The following ZNRF1 variants were observed in gnomAD, a reference collection of about 807,000 sequenced individuals.
The protein encoded by ZNRF1 is zinc and ring finger 1.
ZNRF1 carries 3 observed loss-of-function variants against 18.4 expected under a neutral mutation model. That is an observed-to-expected ratio of 0.16 (90% CI 0.07 to 0.42). ZNRF1 has a LOEUF of 0.42. Among genes scored for constraint, ZNRF1 ranks in the 10% least tolerant of loss-of-function variants. ZNRF1 has a pLI of 0.99. For synonymous variants in ZNRF1, 157 were observed against 144.2 expected (o/e 1.09, Z -0.64); for missense variants, 310 against 329.8 (o/e 0.94, Z 0.47).
At chr16:75,099,309 T>C (rs2036231174) in intron 2 of ZNRF1, among the ~76,000 whole-genome samples, 1 of 152,184 alleles carries the variant, frequency 6.6e-6, no homozygotes, top group Non-Finnish European at 1.5e-5. Context: ...TCCTCCCAGA[T>C]ATCTTTGCTT....
chr16:75,078,242 C>G (rs1056572737), intron 1 of ZNRF1, among the ~76,000 whole-genome samples: 2 of 151,074 alleles, frequency 1.3e-5, no homozygotes, highest in African/African-American at 2.4e-5. Context: ...TCTGTTTTTC[C>G]ATTATATCTG....
chr16:75,064,916 C>A (rs144119865), intron 1 of ZNRF1, among the ~76,000 whole-genome samples: 1 of 152,190 alleles, frequency 6.6e-6, no homozygotes, highest in Non-Finnish European at 1.5e-5. Context: ...GTGCATGTGC[C>A]GTCCTTTGCC....
chr16:75,025,942 C>T (rs934995278), intron 1 of ZNRF1, among the ~76,000 whole-genome samples: 1 of 152,168 alleles, frequency 6.6e-6, no homozygotes, highest in Non-Finnish European at 1.5e-5. Context: ...GGTCTGCACT[C>T]AGCCTGGTGC....
intron 1 of ZNRF1, among the ~76,000 whole-genome samples, chr16:75,058,582 A>G (rs754107097): frequency 1.4e-4 from 21 of 152,228 alleles, no homozygotes; most frequent in Admixed American, 5.2e-4. Flanking sequence ...AGTGGGGATC[A>G]GTTAAAGAGG....
chr16:75,104,823 G>C lies in ZNRF1; in HGVS notation c.560G>C (p.Cys187Ser), dbSNP rs2036295176. Residue 187 changes from cysteine (C) to serine (S), a missense_variant, in exon 3 of 5, where the codon TGC becomes TCC. This residue lies in a region of ZNRF1 where 293 missense variants were observed against 291.2 expected (regional missense o/e 1.01). Transcript: ENST00000335325. ...LTKDAGECVI[C>S]LEELLQGDTI... ...AAAGACGCGGGTGAGTGTGTGATCT[G>C]CCTGGAGGAGCTGCTGCAGGGGGAC... is the stretch of plus-strand genomic sequence containing the variant. 1 of 1,610,772 alleles carries C rather than the reference G, an allele frequency of 6.2e-7. No individual in the cohort carries two copies. Among genetic ancestry groups the C allele is most frequent in the African/African-American group, 1.3e-5 (1 of 74,866 alleles).
intron 1 of ZNRF1, among the ~76,000 whole-genome samples, chr16:75,024,223 G>A (rs1436186208): frequency 6.6e-6 from 1 of 152,132 alleles, no homozygotes; most frequent in Non-Finnish European, 1.5e-5. Flanking sequence ...ACTAACTGCT[G>A]GAGTTGATGT....
intron 1 of ZNRF1, among the ~76,000 whole-genome samples, chr16:75,065,294 G>T (rs2035788820): frequency 1.3e-5 from 2 of 152,184 alleles, no homozygotes; most frequent in African/African-American, 4.8e-5. Context: ...GGTTTGCAGG[G>T]CTGGATGTGT....
rs2036344034 is a variant in ZNRF1 at position 75,108,603 on chromosome 16, C to T, written c.*903C>T. 2.5e-6 allele frequency: 1 copy of T among 394,964 alleles called. No homozygotes were observed. The highest frequency in any genetic ancestry group is 4.5e-6 in the Non-Finnish European group (1 of 224,210). The allele number at this position is 394,964 out of a possible 1,614,324, so 24.5% of individuals were successfully genotyped here. Reference sequence around the variant, plus strand: ...GTTTCTGTATTTATATATTAAAATACAAAAAAAAACTTATAAAATGTTTAA... The same window carrying T: ...GTTTCTGTATTTATATATTAAAATATAAAAAAAAACTTATAAAATGTTTAA... On this transcript the variant is annotated 3_prime_UTR_variant, in exon 5 of 5. Transcript: ENST00000335325.
chr16:75,107,303 A>G (rs771751160), intron 4 of ZNRF1: 2 of 180,800 alleles, frequency 1.1e-5, no homozygotes, highest in African/African-American at 2.4e-5. Flanking sequence ...TCTGGCAAAC[A>G]AGTAGACAAA....
chr16:75,001,818 A>G (rs1004631033), intron 1 of ZNRF1, among the ~76,000 whole-genome samples: 5 of 152,188 alleles, frequency 3.3e-5, no homozygotes, highest in South Asian at 2.1e-4. Context: ...ACCAGGTTCC[A>G]TGCTACAGTT....
chr16:75,060,516 C>G (rs1018300901), intron 1 of ZNRF1, among the ~76,000 whole-genome samples: 1 of 128,152 alleles, frequency 7.8e-6, no homozygotes, highest in Non-Finnish European at 1.6e-5. Context: ...TTCATTCTGT[C>G]GCCCAGGCTT....
At position 75,000,011 on chromosome 16, in the gene ZNRF1, G is replaced by A; in HGVS notation, c.340G>A (p.Gly114Arg). 6.3e-7 allele frequency: 1 copy of A among 1,592,284 alleles called. No individual in the cohort carries two copies. The highest frequency in any genetic ancestry group is 1.1e-5 in the South Asian group (1 of 87,310). Residue 114 changes from glycine to arginine, a missense_variant, in exon 1 of 5, where the codon GGG (glycine) becomes AGG (arginine). Gly to Arg is a moderately radical substitution (Grantham distance 125). Transcript: ENST00000335325. ...GACGGGCGGCGGTCACCATAGAGAC[G>A]GGATGCTGTACCTGGGCTCCCGAGC... ...QETGGGHHRD[G>R]MLYLGSRASL...
In ZNRF1 at chr16:75,061,187, A is replaced by G. The variant is rs73614056; in HGVS notation, c.425-32385A>G. Among the ~76,000 whole-genome samples the G allele has an allele frequency of 9.0e-3, 1,369 of 152,288 alleles. 22 individuals carry two copies. The highest frequency in any genetic ancestry group is 0.031 in the African/African-American group (1,300 of 41,546). On this transcript the variant is annotated intron_variant, in intron 1 of 4. Coordinates refer to ENST00000335325, the MANE Select transcript of ZNRF1 (RefSeq NM_032268.5). ...ACAATTACACTCTTTATTTTAAAAT[A>G]TGCAATTAAGTTATTAACTGGCTAT...
chr16:75,073,146 C>CTCTCTCTCTCTG (rs146902791), intron 1 of ZNRF1, among the ~76,000 whole-genome samples: 9,599 of 128,526 alleles, frequency 0.075, 419 homozygotes, highest in Non-Finnish European at 0.088. Context: ...CTCTCTCTCT[C>CTCTCTCTCTCTG]TCTCTCTGTC....
chr16:75,016,078 A>G (rs1214252132), intron 1 of ZNRF1, among the ~76,000 whole-genome samples: 1 of 149,380 alleles, frequency 6.7e-6, no homozygotes, highest in Non-Finnish European at 1.5e-5. Flanking sequence ...CTGCCACCAC[A>G]CCCAGCTAAT....
At chr16:75,029,987 C>CTGGGT (rs2035279195) in intron 1 of ZNRF1, among the ~76,000 whole-genome samples, 1 of 150,202 alleles carries the variant, frequency 6.7e-6, no homozygotes, top group African/African-American at 2.5e-5. Flanking sequence ...TGCTTGAACC[C>CTGGGT]AGGAGGCAGA....
rs539571914 is a variant in ZNRF1 at position 75,037,217 on chromosome 16, A to C, written c.424+37122A>C. On this transcript the variant is annotated intron_variant, in intron 1 of 4. Coordinates refer to ENST00000335325, the MANE Select transcript of ZNRF1 (RefSeq NM_032268.5). ...ATCTTTTGTTCCTCCTGTTTCAGCA[A>C]ACTCTTAAGATTGGAACTACATCAG... 2.6e-5 allele frequency among the ~76,000 whole-genome samples: 4 copies of C among 152,330 alleles called. No individual in the cohort carries two copies. In the South Asian group the frequency reaches 8.3e-4, roughly 32 times the overall value.
At chr16:75,075,624 G>A (rs1326392580) in intron 1 of ZNRF1, among the ~76,000 whole-genome samples, 1 of 152,204 alleles carries the variant, frequency 6.6e-6, no homozygotes, top group Non-Finnish European at 1.5e-5. Flanking sequence ...TCATCCAACA[G>A]ATATTTTCAA....
At chr16:75,058,804 C>T (rs537851256) in intron 1 of ZNRF1, among the ~76,000 whole-genome samples, 1 of 152,254 alleles carries the variant, frequency 6.6e-6, no homozygotes, top group East Asian at 1.9e-4. Context: ...GGTTCCTTTC[C>T]GTTTGTCCTT....
Sources: gnomAD v4.1 joint callset for allele counts (sites outside exome capture counted in the v4.1 genomes callset) on GRCh38, gnomAD v4.1.1 for gene constraint, gnomAD v4.1.1 regional missense constraint, MANE v1.5 for transcripts, NCBI Gene and HGNC (gene_info 2026-07-23, HGNC 2026-07-21) for gene names.